MAP4K4: variants seen among roughly 807,000 people sequenced by gnomAD.
The protein encoded by MAP4K4 is mitogen-activated protein kinase kinase kinase kinase 4.
Under a neutral mutation model 189.6 loss-of-function variants are expected in MAP4K4, and 38 were observed. That is an observed-to-expected ratio of 0.20 (90% CI 0.15 to 0.26). The LOEUF is 0.26. Among genes scored for constraint, MAP4K4 ranks in the 10% least tolerant of loss-of-function variants. The pLI is 1.00. For missense variants in MAP4K4, 1,054 were observed against 1,726.9 expected (o/e 0.61, Z 6.91); for synonymous variants, 610 against 624.3 (o/e 0.98, Z 0.34).
At chr2:101,832,828 A>C (rs981636760) in intron 7 of MAP4K4, among the ~76,000 whole-genome samples, 2 of 148,622 alleles carry the variant, frequency 1.3e-5, no homozygotes, top group African/African-American at 5.0e-5. Context: ...CATAAAACTG[A>C]CTTTCTGAAG....
chr2:101,800,227 T>C (rs2094230322), intron 3 of MAP4K4, among the ~76,000 whole-genome samples: 1 of 152,066 alleles, frequency 6.6e-6, no homozygotes. Context: ...CTTCCCAGGC[T>C]CAAGAGATCT....
rs1025312822 is a variant in MAP4K4 at position 101,855,388 on chromosome 2, A to G, written c.1234-589A>G. On this transcript the variant is annotated intron_variant, in intron 12 of 32. Coordinates refer to ENST00000324219, the Ensembl canonical transcript of MAP4K4. Reference sequence around the variant, plus strand: ...ACTTCCTTGGGTTGTTAGGAGAATTATATTAGGTAAAGTAAGTGGAATAGA... The same window carrying G: ...ACTTCCTTGGGTTGTTAGGAGAATTGTATTAGGTAAAGTAAGTGGAATAGA... Among the ~76,000 whole-genome samples the G allele has an allele frequency of 2.6e-5, 4 of 152,316 alleles. No individual in the cohort carries two copies. In the South Asian group the frequency reaches 8.3e-4, roughly 32 times the overall value.
intron 10 of MAP4K4, among the ~76,000 whole-genome samples, chr2:101,840,712 A>G (rs1301785980): frequency 6.6e-6 from 1 of 152,202 alleles, no homozygotes; most frequent in African/African-American, 2.4e-5. Flanking sequence ...TTTATAGAAC[A>G]ACACTTGGTT....
At chr2:101,732,121 A>C (rs1397578692) in intron 2 of MAP4K4, among the ~76,000 whole-genome samples, 1 of 152,208 alleles carries the variant, frequency 6.6e-6, no homozygotes, top group East Asian at 1.9e-4. Context: ...ATTTAGTATT[A>C]TTTATAAACT....
intron 2 of MAP4K4, among the ~76,000 whole-genome samples, chr2:101,763,402 G>A (rs567479076): frequency 6.6e-6 from 1 of 152,196 alleles, no homozygotes; most frequent in Non-Finnish European, 1.5e-5. Context: ...CAGGTCAGAT[G>A]ACTTTGGATA....
chr2:101,887,012 G>A (rs905906007), intron 29 of MAP4K4, 76 bp from the exon 30 acceptor site: 46 of 1,122,076 alleles, frequency 4.1e-5, no homozygotes, highest in Admixed American at 6.0e-5. Flanking sequence ...GTGACAGAGC[G>A]AGACTCCGTC....
chr2:101,747,805 C>T (rs895814109), intron 2 of MAP4K4, among the ~76,000 whole-genome samples: 2 of 152,098 alleles, frequency 1.3e-5, no homozygotes, highest in African/African-American at 4.8e-5. Flanking sequence ...CTAGTTTGGT[C>T]CAAGAAATAG....
intron 11 of MAP4K4, 127 bp downstream of exon 11, chr2:101,842,808 C>A: frequency 1.7e-6 from 1 of 594,690 alleles, no homozygotes; most frequent in Non-Finnish European, 2.9e-6. Context: ...ATCTTACTAT[C>A]TCCATTCTTC....
At chr2:101,792,217 G>A (rs2092992255) in intron 3 of MAP4K4, among the ~76,000 whole-genome samples, 1 of 152,176 alleles carries the variant, frequency 6.6e-6, no homozygotes, top group Non-Finnish European at 1.5e-5. Flanking sequence ...CCGGTGCTGT[G>A]TTGGGAGTGG....
chr2:101,783,395 T>C (rs1231914461), intron 2 of MAP4K4, among the ~76,000 whole-genome samples: 2 of 152,180 alleles, frequency 1.3e-5, no homozygotes, highest in Non-Finnish European at 2.9e-5. Flanking sequence ...ATAAATACTA[T>C]GTAAGTCTGA....
At chr2:101,776,394 GCTGGTCTAACGGGGCAGTTCCCA>G (rs1157091116) in intron 2 of MAP4K4, among the ~76,000 whole-genome samples, 7 of 152,232 alleles carry the variant, frequency 4.6e-5, no homozygotes, top group African/African-American at 1.7e-4. Context: ...GAGAGCTCCT[GCTGGTCTAACGGGGCAGTTCCCA>G]CTGGACTCCA....
At chr2:101,853,075 C>A (rs557772152) in intron 12 of MAP4K4, among the ~76,000 whole-genome samples, 13 of 152,274 alleles carry the variant, frequency 8.5e-5, no homozygotes, top group Middle Eastern at 3.4e-3. Context: ...GATAACTGAT[C>A]AGCCCAAAGG....
chr2:101,753,519 CTGAAAAATCA>C (rs1471266933), intron 2 of MAP4K4, among the ~76,000 whole-genome samples: 1 of 152,080 alleles, frequency 6.6e-6, no homozygotes, highest in African/African-American at 2.4e-5. Context: ...GTTCTGGACT[CTGAAAAATCA>C]AGTCAGTGGC....
At chr2:101,870,160 CA>C in intron 22 of MAP4K4, 134 bp from the exon 23 acceptor site, 1 of 830,004 alleles carries the variant, frequency 1.2e-6, no homozygotes, top group South Asian at 1.9e-5. Flanking sequence ...GAAAGCTAAG[CA>C]GTTGCTTTTT....
At chr2:101,772,911 T>C (rs1314685515) in intron 2 of MAP4K4, among the ~76,000 whole-genome samples, 2 of 152,226 alleles carry the variant, frequency 1.3e-5, no homozygotes, top group Non-Finnish European at 2.9e-5. Context: ...TCTGAACCCA[T>C]GCTGCTCACT....
intron 2 of MAP4K4, among the ~76,000 whole-genome samples, chr2:101,769,582 T>C (rs1022326182): frequency 3.9e-5 from 6 of 152,082 alleles, no homozygotes; most frequent in African/African-American, 9.7e-5. Context: ...TCCAGAAATG[T>C]CTTTTTCTTT....
chr2:101,755,929 CTTTTTTTTTTTTTT>C (rs57392183), intron 2 of MAP4K4, among the ~76,000 whole-genome samples: 80 of 57,802 alleles, frequency 1.4e-3, no homozygotes, highest in African/African-American at 5.3e-3. Context: ...AGTTCTTTTT[CTTTTTTTTTTTTTT>C]TTTTTTTTTT....
At chr2:101,720,403 C>T (rs4851491) in intron 2 of MAP4K4, among the ~76,000 whole-genome samples, 114,232 of 151,860 alleles carry the variant, frequency 0.75, 43,423 homozygotes, top group African/African-American at 0.88. Context: ...TTTGAACTCC[C>T]TAAGGTCAGT....
At chr2:101,846,204 A>G (rs746352736) in intron 12 of MAP4K4, among the ~76,000 whole-genome samples, 2 of 152,204 alleles carry the variant, frequency 1.3e-5, no homozygotes, top group African/African-American at 2.4e-5. Flanking sequence ...TATTTTTGTT[A>G]AGACTCTTTT....
Sources: gnomAD v4.1 joint callset for allele counts (sites outside exome capture counted in the v4.1 genomes callset) on GRCh38, gnomAD v4.1.1 for gene constraint, MANE v1.5 for transcripts, NCBI Gene and HGNC (gene_info 2026-07-23, HGNC 2026-07-21) for gene names.